NDFIP1: variants seen among roughly 807,000 people sequenced by gnomAD.
The protein encoded by NDFIP1 is NEDD4 family-interacting protein 1.
A neutral mutation model predicts 28.8 loss-of-function variants in NDFIP1; 7 were observed. The observed-to-expected ratio is 0.24, with a 90% CI of 0.14 to 0.46. The LOEUF is 0.46. Among genes scored for constraint, NDFIP1 ranks in the 20% least tolerant of loss-of-function variants. NDFIP1 has a pLI of 0.99. For missense variants in NDFIP1, 194 were observed against 269.1 expected (o/e 0.72, Z 1.95); for synonymous variants, 92 against 101.0 (o/e 0.91, Z 0.53).
At position 142,131,840 on chromosome 5, in the gene NDFIP1, A is replaced by G. The variant is rs1158778861; in HGVS notation, c.96A>G (p.Glu32=). Residue 32 remains glutamate (E), a synonymous_variant, in exon 2 of 8, where the codon GAA becomes GAG. Transcript: ENST00000253814. ...LQNEEESGEP[E]QAAGDAPPPY... ...ATGAAGAAGAGTCTGGAGAACCTGA[A>G]CAGGCTGCAGGTGATGCTCCTCCAC... 1.9e-6 allele frequency: 3 copies of G among 1,598,284 alleles called. No homozygotes were observed. The highest frequency in any genetic ancestry group is 2.6e-6 in the Non-Finnish European group (3 of 1,175,004).
chr5:142,151,080 A>G (rs1757442655), intron 7 of NDFIP1, among the ~76,000 whole-genome samples: 1 of 152,266 alleles, frequency 6.6e-6, no homozygotes, highest in Non-Finnish European at 1.5e-5. Flanking sequence ...CATTATTTCG[A>G]GAGCATTTAT....
At chr5:142,139,270 T>G (rs1313662888) in intron 5 of NDFIP1, among the ~76,000 whole-genome samples, 6 of 152,258 alleles carry the variant, frequency 3.9e-5, no homozygotes, top group African/African-American at 1.4e-4. Flanking sequence ...TAGGATGCTT[T>G]TGACTGTGAG....
At position 142,116,433 on chromosome 5, in the gene NDFIP1, A is replaced by G. The variant is rs192395784; in HGVS notation, c.63+7396A>G. Reference sequence around the variant, plus strand: ...CCCCAGGCTGGAGTGCAGTGGCGCAATCTTGGCACACTGCAACCCCTGCCT... The same window carrying G: ...CCCCAGGCTGGAGTGCAGTGGCGCAGTCTTGGCACACTGCAACCCCTGCCT... On this transcript the variant is annotated intron_variant, in intron 1 of 7. Transcript: ENST00000253814. Among the ~76,000 whole-genome samples the G allele has an allele frequency of 3.9e-4, 58 of 150,502 alleles. 1 individual carries two copies. The highest frequency in any genetic ancestry group is 1.2e-3 in the African/African-American group (49 of 40,880).
chr5:142,126,130 A>C (rs1041213852), intron 1 of NDFIP1, among the ~76,000 whole-genome samples: 3 of 152,226 alleles, frequency 2.0e-5, no homozygotes, highest in African/African-American at 7.2e-5. Context: ...AAACTTAATG[A>C]TTATTTCTGA....
At chr5:142,117,981 C>A (rs1225616703) in intron 1 of NDFIP1, among the ~76,000 whole-genome samples, 1 of 152,054 alleles carries the variant, frequency 6.6e-6, no homozygotes, top group African/African-American at 2.4e-5. Flanking sequence ...CGATCATTCC[C>A]CCACTGACCT....
Position 142,116,534 on chromosome 5 carries a change from A to C in NDFIP1, c.63+7497A>C, listed in dbSNP as rs184639362. Among the ~76,000 whole-genome samples, 374 of 152,022 alleles carry C rather than the reference A, an allele frequency of 2.5e-3. 2 individuals are homozygous for C. Among genetic ancestry groups the C allele is most frequent in the South Asian group, 0.019 (92 of 4,818 alleles). On this transcript the variant is annotated intron_variant, in intron 1 of 7. Coordinates refer to ENST00000253814, the MANE Select transcript of NDFIP1 (RefSeq NM_030571.4). ...CAGGTGCCCGCCAGCAGGCCCGGCT[A>C]ATTTTTGTATTTTTAGTAGAGGTGG...
At chr5:142,142,940 A>AAAAAAATATATATATAT (rs60076432) in intron 6 of NDFIP1, 1 of 38,144 alleles carries the variant, frequency 2.6e-5, no homozygotes, top group Non-Finnish European at 4.4e-5. Context: ...AAAAAAAAAA[A>AAAAAAATATATATATAT]ATATATATAT....
rs544680558 is a variant in NDFIP1, at chr5:142,141,727, A to G, written c.562+1098A>G. Among the ~76,000 whole-genome samples, 5 of 152,144 alleles carry G rather than the reference A, an allele frequency of 3.3e-5. No individual in the cohort carries two copies. In the South Asian group the frequency reaches 6.2e-4, roughly 19 times the overall value. On this transcript the variant is annotated intron_variant, in intron 6 of 7. Coordinates refer to ENST00000253814, the MANE Select transcript of NDFIP1 (RefSeq NM_030571.4). ...TGCTTCTGTGACATCAGTTTCTCCT[A>G]TGTCCTGTTTTGCTTCTTGTTGCCC...
chr5:142,111,212 T>A (rs1596779273), intron 1 of NDFIP1, among the ~76,000 whole-genome samples: 2 of 151,120 alleles, frequency 1.3e-5, no homozygotes, highest in Middle Eastern at 6.8e-3. Flanking sequence ...CATTTGCACA[T>A]GTGTATCATG....
chr5:142,126,538 T>C (rs1431937724), intron 1 of NDFIP1, among the ~76,000 whole-genome samples: 1 of 152,248 alleles, frequency 6.6e-6, no homozygotes, highest in Non-Finnish European at 1.5e-5. Flanking sequence ...TTTGTTTGTT[T>C]GTATGAATTC....
rs887171075 is a variant in NDFIP1 at position 142,132,235 on chromosome 5, T to C, written c.175T>C (p.Ser59Pro). 2.2e-5 allele frequency: 35 copies of C among 1,613,206 alleles called. No homozygotes were observed. The highest frequency in any genetic ancestry group is 2.8e-5 in the Non-Finnish European group (33 of 1,179,878). Residue 59 changes from serine to proline, a missense_variant, in exon 3 of 8, where the codon TCT becomes CCT. Transcript: ENST00000253814. ...SAAYFDYKDE[S>P]GFPKPPSYNV... ...AGCATATTTTGACTACAAGGATGAG[T>C]CTGGGTTTCCAAAGCCCCCATCTTA... is the stretch of plus-strand genomic sequence containing the variant.
At chr5:142,109,752 T>C (rs1756992578) in intron 1 of NDFIP1, among the ~76,000 whole-genome samples, 1 of 152,176 alleles carries the variant, frequency 6.6e-6, no homozygotes, top group African/African-American at 2.4e-5. Flanking sequence ...AATGATTGGA[T>C]CATTTTCTCG....
intron 6 of NDFIP1, among the ~76,000 whole-genome samples, chr5:142,142,183 A>G (rs1757339148): frequency 6.6e-6 from 1 of 152,100 alleles, no homozygotes; most frequent in East Asian, 1.9e-4. Context: ...AAACTGACAG[A>G]GCCTTGCATT....
chr5:142,139,495 A>G (rs578050759), intron 5 of NDFIP1, among the ~76,000 whole-genome samples: 7 of 152,264 alleles, frequency 4.6e-5, no homozygotes, highest in Non-Finnish European at 1.0e-4. Flanking sequence ...TCAGTATTAC[A>G]TTGAAACACG....
In NDFIP1 at chr5:142,109,011, C is replaced by T; in HGVS notation, c.37C>T (p.Pro13Ser). The T allele has an allele frequency of 2.1e-6, 3 of 1,440,364 alleles. No homozygotes were observed. The highest frequency in any genetic ancestry group is 1.4e-5 in the South Asian group (1 of 73,814). The allele number at this position is 1,440,364 out of a possible 1,614,324, so 89.2% of individuals were successfully genotyped here. The change falls in exon 1 of 8, where the codon CCG becomes TCG. Residue 13 changes from proline to serine, a missense_variant. Transcript: ENST00000253814. Reference protein sequence around the residue: ...LALAALAAVEPACGSRYQQLQ... With the variant: ...LALAALAAVESACGSRYQQLQ... ...GTTGGCGGCGCTGGCGGCGGTCGAG[C>T]CGGCCTGCGGCAGCCGGTACCAGCA...
intron 1 of NDFIP1, among the ~76,000 whole-genome samples, chr5:142,123,239 A>G (rs1236956760): frequency 6.6e-6 from 1 of 152,182 alleles, no homozygotes; most frequent in Admixed American, 6.5e-5. Context: ...CTGGTATTAC[A>G]GGCATGAGCC....
At chr5:142,113,757 A>G (rs1276845475) in intron 1 of NDFIP1, among the ~76,000 whole-genome samples, 1 of 152,098 alleles carries the variant, frequency 6.6e-6, no homozygotes, top group Non-Finnish European at 1.5e-5. Flanking sequence ...TCTACTTTCT[A>G]TGTATTTGAC....
intron 1 of NDFIP1, among the ~76,000 whole-genome samples, chr5:142,110,344 G>T (rs1195927624): frequency 2.6e-5 from 4 of 152,104 alleles, no homozygotes; most frequent in African/African-American, 9.7e-5. Context: ...AATAAAATGG[G>T]AATAACAGAT....
chr5:142,116,885 A>G (rs931856069), intron 1 of NDFIP1, among the ~76,000 whole-genome samples: 46 of 151,294 alleles, frequency 3.0e-4, no homozygotes, highest in Non-Finnish European at 1.9e-4. Context: ...TAATTTTTGT[A>G]TTTTTAGTAG....
Sources: gnomAD v4.1 joint callset for allele counts (sites outside exome capture counted in the v4.1 genomes callset) on GRCh38, gnomAD v4.1.1 for gene constraint, MANE v1.5 for transcripts, NCBI Gene and HGNC (gene_info 2026-07-23, HGNC 2026-07-21) for gene names.